The following COL4A6 variants were observed in gnomAD, a reference collection of about 807,000 sequenced individuals.
COL4A6 encodes the protein collagen alpha-6(IV) chain.
COL4A6 carries 59 observed loss-of-function variants against 126.7 expected under a neutral mutation model. That is an observed-to-expected ratio of 0.47 (90% CI 0.38 to 0.58). The LOEUF (loss-of-function observed/expected upper bound fraction) is 0.58, where lower values mean the gene tolerates loss of function less well. COL4A6 is among the 20% of genes least tolerant of loss of function. The pLI, the probability that COL4A6 is intolerant of heterozygous loss-of-function variation, is 0.00. For synonymous variants in COL4A6, 547 were observed against 496.6 expected (o/e 1.10, Z -1.35); for missense variants, 1,285 against 1,337.3 (o/e 0.96, Z 0.61).
At chrX:108,404,330 T>C (rs1240633867) in intron 2 of COL4A6, among the ~76,000 whole-genome samples, 1 of 112,210 alleles carries the variant, frequency 8.9e-6, no homozygotes, top group Non-Finnish European at 1.9e-5. Context: ...TTCCAGGGAC[T>C]TATTTATTCT....
chrX:108,424,699 A>T (rs897390948), intron 2 of COL4A6, among the ~76,000 whole-genome samples: 1 of 111,910 alleles, frequency 8.9e-6, no homozygotes, highest in African/African-American at 3.3e-5. Context: ...GTTCCACAAT[A>T]TCAGATTTTA....
At chrX:108,429,691 A>G (rs2064145662) in intron 2 of COL4A6, among the ~76,000 whole-genome samples, 1 of 111,931 alleles carries the variant, frequency 8.9e-6, no homozygotes, top group Non-Finnish European at 1.9e-5. Context: ...ACTCAAAAAG[A>G]AAAAAGAAAA....
rs751038352 is a variant in COL4A6 at position 108,214,145 on chromosome X, G to A, written c.408C>T (p.Gly136=). The A allele has an allele frequency of 3.3e-6, 4 of 1,207,517 alleles. No homozygotes were observed. The highest frequency in any genetic ancestry group is 3.0e-5 in the East Asian group (1 of 33,605). Residue 136 remains glycine (G), a synonymous_variant, in exon 6 of 45, where the codon GGC becomes GGT. Transcript: ENST00000334504. ...CGAGAAGCCCAGGATAGCCATCAGGGCCTGGAAATCCAACAGCTCCTTGAG... is the reference window on the plus strand; with the variant it reads ...CGAGAAGCCCAGGATAGCCATCAGGACCTGGAAATCCAACAGCTCCTTGAG... The part of the protein sequence containing the change: ...NGTQGAVGFP[G]PDGYPGLLGP...
At chrX:108,286,799 T>C (rs2038016580) in intron 3 of COL4A6, among the ~76,000 whole-genome samples, 1 of 111,449 alleles carries the variant, frequency 9.0e-6, no homozygotes, top group South Asian at 3.9e-4. Context: ...CTTGAACTCC[T>C]GGGCTCAAGT....
intron 3 of COL4A6, among the ~76,000 whole-genome samples, chrX:108,279,754 C>T (rs1452598996): frequency 9.0e-6 from 1 of 111,574 alleles, no homozygotes. Flanking sequence ...TAAAGCACTC[C>T]TCAGCAAATG....
At chrX:108,262,939 A>G (rs1221424160) in intron 3 of COL4A6, among the ~76,000 whole-genome samples, 1 of 111,403 alleles carries the variant, frequency 9.0e-6, no homozygotes, top group Non-Finnish European at 1.9e-5. Flanking sequence ...TCTTTAGACT[A>G]GTAGAAGATA....
intron 2 of COL4A6, among the ~76,000 whole-genome samples, chrX:108,323,278 C>T (rs2039072657): frequency 8.9e-6 from 1 of 111,985 alleles, no homozygotes; most frequent in Non-Finnish European, 1.9e-5. Flanking sequence ...TGTATAAAGG[C>T]ACTGTGTTGG....
At chrX:108,311,669 A>G (rs1161550498) in intron 2 of COL4A6, among the ~76,000 whole-genome samples, 1 of 111,164 alleles carries the variant, frequency 9.0e-6, no homozygotes, top group African/African-American at 3.3e-5. Flanking sequence ...TCTTTTCATC[A>G]CTCAGGTCTC....
intron 2 of COL4A6, among the ~76,000 whole-genome samples, chrX:108,434,540 A>G (rs1167988715): frequency 9.0e-6 from 1 of 111,265 alleles, no homozygotes; most frequent in Non-Finnish European, 1.9e-5. Context: ...TACAATCATT[A>G]AAATGTATAA....
chrX:108,229,296 A>C (rs2036247396), intron 3 of COL4A6, among the ~76,000 whole-genome samples: 1 of 112,447 alleles, frequency 8.9e-6, no homozygotes, highest in African/African-American at 3.2e-5. Context: ...TCACCACCGT[A>C]GGACTTTGGG....
intron 2 of COL4A6, among the ~76,000 whole-genome samples, chrX:108,392,231 A>G (rs1035724201): frequency 8.9e-6 from 1 of 112,078 alleles, no homozygotes; most frequent in Non-Finnish European, 1.9e-5. Flanking sequence ...TATGACTCCA[A>G]AAGCATGAAC....
intron 2 of COL4A6, among the ~76,000 whole-genome samples, chrX:108,340,410 AATTGACTTACTTAGTTGAC>A (rs2039531974): frequency 9.0e-6 from 1 of 111,696 alleles, no homozygotes; most frequent in African/African-American, 3.3e-5. Flanking sequence ...TATATCTAGA[AATTGACTTACTTAGTTGAC>A]AAGCATGTGC....
intron 2 of COL4A6, among the ~76,000 whole-genome samples, chrX:108,311,753 T>A (rs750867301): frequency 8.9e-6 from 1 of 111,865 alleles, no homozygotes; most frequent in South Asian, 3.8e-4. Context: ...TTCATTACCT[T>A]TTCATCGTTA....
chrX:108,329,642 G>A (rs988531112), intron 2 of COL4A6, among the ~76,000 whole-genome samples: 3 of 112,054 alleles, frequency 2.7e-5, no homozygotes, highest in Non-Finnish European at 5.6e-5. Flanking sequence ...CAATGATTGA[G>A]GGTGAGAAGT....
At chrX:108,432,186 C>T (rs2064184869) in intron 2 of COL4A6, among the ~76,000 whole-genome samples, 1 of 112,081 alleles carries the variant, frequency 8.9e-6, no homozygotes, top group Admixed American at 9.4e-5. Context: ...TGTCTTTATA[C>T]ATTTTCCTTT....
intron 2 of COL4A6, among the ~76,000 whole-genome samples, chrX:108,432,750 C>A (rs1392170669): frequency 9.0e-6 from 1 of 111,404 alleles, no homozygotes; most frequent in South Asian, 3.8e-4. Flanking sequence ...GCAGGAGAAT[C>A]ACTTGAACCT....
In COL4A6 at chrX:108,159,682, A is replaced by G. The variant is rs746418600; in HGVS notation, c.4592T>C (p.Val1531Ala). Residue 1531 changes from valine to alanine, a missense_variant, in exon 44 of 45, where the codon GTG (valine) becomes GCG (alanine). Physicochemically the swap from Val to Ala is moderately conservative, Grantham distance 64. Coordinates refer to ENST00000334504, the MANE Select transcript of COL4A6 (RefSeq NM_033641.4). ...ATCATTGCGCCTGGCATAGTGGCACACCTCGTTGATGTTGCAGTAGATGAA... is the reference window on the plus strand; with the variant it reads ...ATCATTGCGCCTGGCATAGTGGCACGCCTCGTTGATGTTGCAGTAGATGAA... ...MPFIYCNINE[V>A]CHYARRNDKS... 5.0e-6 allele frequency: 6 copies of G among 1,211,712 alleles called. No individual in the cohort carries two copies. The Admixed American group carries it at 8.7e-5, about 18-fold the overall frequency.
intron 2 of COL4A6, among the ~76,000 whole-genome samples, chrX:108,374,676 C>T (rs2040400141): frequency 8.9e-6 from 1 of 111,767 alleles, no homozygotes; most frequent in East Asian, 2.8e-4. Flanking sequence ...AGCAATCTGG[C>T]CAAAGAAAAA....
chrX:108,371,671 T>A (rs1472009720), intron 2 of COL4A6, among the ~76,000 whole-genome samples: 1 of 107,533 alleles, frequency 9.3e-6, no homozygotes, highest in African/African-American at 3.4e-5. Context: ...GTGGGAGGAT[T>A]GCTTGGGCCC....
Sources: gnomAD v4.1 joint callset for allele counts (sites outside exome capture counted in the v4.1 genomes callset) on GRCh38, gnomAD v4.1.1 for gene constraint, MANE v1.5 for transcripts, NCBI Gene and HGNC (gene_info 2026-07-23, HGNC 2026-07-21) for gene names.